TTC28: variants seen among roughly 807,000 people sequenced by gnomAD.
TTC28 encodes tetratricopeptide repeat domain 28.
Under a neutral mutation model 198.0 loss-of-function variants are expected in TTC28, and 61 were observed. The ratio of observed to expected loss-of-function variants is 0.31; its 90% CI spans 0.25 to 0.38. The LOEUF (loss-of-function observed/expected upper bound fraction) is 0.38. Ranked by LOEUF, TTC28 falls within the 10% of genes least tolerant of loss-of-function variation. The pLI is 1.00. For missense variants in TTC28, 2,678 were observed against 3,164.0 expected, an observed-to-expected ratio of 0.85 and a Z score of 3.69; for synonymous variants, 1,171 against 1,297.8, an observed-to-expected ratio of 0.90 and a Z score of 2.10.
chr22:28,659,850 G>A (rs1284581025), intron 1 of TTC28, among the ~76,000 whole-genome samples: 1 of 151,442 alleles, frequency 6.6e-6, no homozygotes, highest in East Asian at 1.9e-4. Flanking sequence ...CCAGGCTGGA[G>A]TGCAGTGGCA....
intron 12 of TTC28, among the ~76,000 whole-genome samples, chr22:28,064,559 T>G (rs1297025053): frequency 6.6e-6 from 1 of 152,136 alleles, no homozygotes; most frequent in African/African-American, 2.4e-5. Flanking sequence ...TTCTATATAA[T>G]AAAGGTAAAG....
Position 27,982,062 on chromosome 22 carries a change from T to G in TTC28, c.*159A>C. ...ATGTGGCCCAGAAAAGCCACCAGTG[T>G]GTGTGGCAGCCTTTGGACGTGGTGG... On this transcript the variant is annotated 3_prime_UTR_variant, in exon 23 of 23. Transcript: ENST00000397906. The surrounding 1 kb of genome is among the most constrained non-coding windows in gnomAD (Gnocchi z 5.2). 1.5e-6 allele frequency: 1 copy of G among 684,066 alleles called. No individual in the cohort carries two copies. 42.4% of individuals were successfully genotyped at this position (684,066 alleles called of 1,614,324 possible). A position where few individuals can be genotyped will look rare whatever the true frequency, so the allele number is the denominator to read the frequency against.
Position 28,679,727 on chromosome 22 carries a change from C to T in TTC28, c.-4G>A. The T allele has an allele frequency of 8.1e-7, 1 of 1,234,392 alleles. No homozygotes were observed. The highest frequency in any genetic ancestry group is 1.0e-6 in the Non-Finnish European group (1 of 987,934). 76.5% of individuals were successfully genotyped at this position (1,234,392 alleles called of 1,614,324 possible). ...CCGGCGGCGGCGACTGCTCCATCCCCACGGGGCCCGGGCCGCGTCCGCCTC... is the reference window on the plus strand; with the variant it reads ...CCGGCGGCGGCGACTGCTCCATCCCTACGGGGCCCGGGCCGCGTCCGCCTC... On this transcript the variant is annotated 5_prime_UTR_variant, in exon 1 of 23. Transcript: ENST00000397906.
At chr22:28,610,074 GGC>G (rs2050795183) in intron 2 of TTC28, among the ~76,000 whole-genome samples, 1 of 152,032 alleles carries the variant, frequency 6.6e-6, no homozygotes, top group African/African-American at 2.4e-5. Context: ...CTGAAAAAAA[GGC>G]AGCAGCCCCA....
chr22:28,056,263 G>C (rs966581039), intron 12 of TTC28: 14 of 152,016 alleles, frequency 9.2e-5, no homozygotes, highest in African/African-American at 3.4e-4. Context: ...CTCTATTTCT[G>C]ACCTGGGTCA....
At chr22:28,018,924 G>C (rs1223091871) in intron 13 of TTC28, among the ~76,000 whole-genome samples, 1 of 152,246 alleles carries the variant, frequency 6.6e-6, no homozygotes, top group Non-Finnish European at 1.5e-5. Context: ...GCCTTGTGCA[G>C]ACTGCTGGAA....
At chr22:28,318,032 T>C (rs2045379280) in intron 2 of TTC28, among the ~76,000 whole-genome samples, 4 of 151,822 alleles carry the variant, frequency 2.6e-5, no homozygotes, top group Admixed American at 2.0e-4. Flanking sequence ...ACCTCCCAAG[T>C]AGCTGGGGGT....
intron 1 of TTC28, among the ~76,000 whole-genome samples, chr22:28,641,083 T>C (rs558940950): frequency 6.6e-6 from 1 of 152,250 alleles, no homozygotes; most frequent in East Asian, 1.9e-4. Flanking sequence ...CCCAGCACTA[T>C]GGGAGGCCGA....
At chr22:28,508,926 T>G (rs1259539943) in intron 2 of TTC28, among the ~76,000 whole-genome samples, 2 of 152,084 alleles carry the variant, frequency 1.3e-5, no homozygotes, top group Non-Finnish European at 2.9e-5. Flanking sequence ...GCACCGTGGC[T>G]CATGCCTGTA....
At chr22:28,029,139 A>AG (rs771690708) in intron 13 of TTC28, 49 of 471,020 alleles carry the variant, frequency 1.0e-4, no homozygotes, top group Non-Finnish European at 2.0e-4. Flanking sequence ...AAAAGCCATG[A>AG]GGGACACCTG....
intron 6 of TTC28, among the ~76,000 whole-genome samples, chr22:28,157,489 A>G (rs1157243076): frequency 1.3e-5 from 2 of 152,190 alleles, no homozygotes; most frequent in African/African-American, 2.4e-5. Context: ...ACATCAAACT[A>G]CAGGCCGATA....
chr22:28,064,895 T>G (rs1160552522), intron 12 of TTC28, among the ~76,000 whole-genome samples: 1 of 152,218 alleles, frequency 6.6e-6, no homozygotes, highest in Non-Finnish European at 1.5e-5. Flanking sequence ...AGCATTTTTT[T>G]CTTTTGAAGC....
chr22:28,137,086 A>C (rs1943216976), intron 6 of TTC28, among the ~76,000 whole-genome samples: 1 of 152,176 alleles, frequency 6.6e-6, no homozygotes, highest in African/African-American at 2.4e-5. Flanking sequence ...GTTAGCCTCA[A>C]ACTGACTGGC....
At chr22:28,189,009 CAG>C (rs1924469333) in intron 5 of TTC28, among the ~76,000 whole-genome samples, 1 of 151,884 alleles carries the variant, frequency 6.6e-6, no homozygotes, top group African/African-American at 2.4e-5. Context: ...AAAAGGAACT[CAG>C]GGGGAAAAGA....
intron 9 of TTC28, among the ~76,000 whole-genome samples, chr22:28,100,443 C>G (rs1942109118): frequency 6.6e-6 from 1 of 152,146 alleles, no homozygotes; most frequent in Non-Finnish European, 1.5e-5. Flanking sequence ...CTTTTTATAA[C>G]CAGGAAATTA....
chr22:28,220,316 A>G (rs1225878188), intron 5 of TTC28, among the ~76,000 whole-genome samples: 1 of 152,196 alleles, frequency 6.6e-6, no homozygotes, highest in Non-Finnish European at 1.5e-5. Context: ...AGTAGCTTAA[A>G]ATAACACCCA....
chr22:28,447,143 T>C (rs1307065338), intron 2 of TTC28, among the ~76,000 whole-genome samples: 1 of 151,970 alleles, frequency 6.6e-6, no homozygotes, highest in Non-Finnish European at 1.5e-5. Context: ...GCTTTAAGAG[T>C]TAAGAGAGAC....
At chr22:27,999,392 C>A (rs1285258433) in intron 15 of TTC28, 132 bp from the exon 16 acceptor site, 2 of 1,292,948 alleles carry the variant, frequency 1.5e-6, no homozygotes, top group South Asian at 1.6e-5. Flanking sequence ...CCCCAGTCAC[C>A]ACATTCACTC....
At chr22:28,376,882 TGAG>T (rs749513849) in intron 2 of TTC28, among the ~76,000 whole-genome samples, 3 of 151,822 alleles carry the variant, frequency 2.0e-5, no homozygotes, top group Non-Finnish European at 2.9e-5. Context: ...TACCCAAGGC[TGAG>T]GAAAGAAGCA....
Sources: allele counts gnomAD v4.1 joint callset (sites outside exome capture counted in the v4.1 genomes callset), GRCh38; gene constraint gnomAD v4.1.1; non-coding constraint Gnocchi (gnomAD v3.1); transcripts MANE v1.5; gene names NCBI Gene and HGNC (gene_info 2026-07-23, HGNC 2026-07-21).